The following NDUFS4 variants were observed in gnomAD, a reference collection of about 807,000 sequenced individuals.
NDUFS4 encodes NADH dehydrogenase [ubiquinone] iron-sulfur protein 4, mitochondrial.
NDUFS4 carries 28 observed loss-of-function variants against 24.3 expected under a neutral mutation model. The observed-to-expected ratio is 1.15, with a 90% CI of 0.85 to 1.58. NDUFS4 has a LOEUF of 1.58. NDUFS4 is among the 40% of genes most tolerant of loss of function. The pLI is 0.00. For missense variants in NDUFS4, 223 were observed against 207.9 expected, an observed-to-expected ratio of 1.07 and a Z score of -0.45; for synonymous variants, 93 against 69.7, an observed-to-expected ratio of 1.34 and a Z score of -1.67.
At chr5:53,640,851 A>G (rs756964439) in intron 2 of NDUFS4, among the ~76,000 whole-genome samples, 1 of 152,150 alleles carries the variant, frequency 6.6e-6, no homozygotes, top group Admixed American at 6.6e-5. Context: ...TTCCCATGGA[A>G]TATGACATGC....
At position 53,603,503 on chromosome 5, in the gene NDUFS4, A is replaced by G. The variant is rs142368721; in HGVS notation, c.150A>G (p.Thr50=). ...TGGCACAGGACCAGACTCAAGACAC[A>G]CAACTCATAACAGTTGATGAAAAAT... The part of the protein sequence containing the change: ...WRLAQDQTQD[T]QLITVDEKLD... The change falls in exon 2 of 5, where the codon ACA becomes ACG. Residue 50 remains threonine, a synonymous_variant. Coordinates refer to ENST00000296684, the MANE Select transcript of NDUFS4 (RefSeq NM_002495.4). 1,366 of 1,613,956 alleles carry G rather than the reference A, an allele frequency of 8.5e-4. 2 individuals are homozygous for G. The highest frequency in any genetic ancestry group is 1.1e-3 in the Non-Finnish European group (1,286 of 1,179,942).
At chr5:53,619,466 G>A in intron 2 of NDUFS4, among the ~76,000 whole-genome samples, 1 of 105,712 alleles carries the variant, frequency 9.5e-6, no homozygotes. Flanking sequence ...CAGCCTGGGT[G>A]ACACAGCAAG....
At chr5:53,572,028 A>C (rs575145055) in intron 1 of NDUFS4, among the ~76,000 whole-genome samples, 1 of 152,370 alleles carries the variant, frequency 6.6e-6, no homozygotes, top group East Asian at 1.9e-4. Flanking sequence ...ACATGTATTT[A>C]ATATAAATTT....
intron 4 of NDUFS4, among the ~76,000 whole-genome samples, chr5:53,679,153 C>A (rs1740570686): frequency 6.6e-6 from 1 of 152,120 alleles, no homozygotes; most frequent in Non-Finnish European, 1.5e-5. Context: ...TGTCATTGGA[C>A]TTCCTCATAT....
chr5:53,583,737 G>T (rs1040119384), intron 1 of NDUFS4, among the ~76,000 whole-genome samples: 1 of 152,136 alleles, frequency 6.6e-6, no homozygotes, highest in Non-Finnish European at 1.5e-5. Flanking sequence ...CAATTACTGG[G>T]AGTTGATGGG....
intron 2 of NDUFS4, among the ~76,000 whole-genome samples, chr5:53,639,882 C>T (rs1751662308): frequency 6.6e-6 from 1 of 152,078 alleles, no homozygotes. Flanking sequence ...AGGAAATTTA[C>T]ATCTCAAAGG....
chr5:53,621,690 A>ATTTTTTTTTTTTTTTT (rs58169759), intron 2 of NDUFS4, among the ~76,000 whole-genome samples: 1 of 81,546 alleles, frequency 1.2e-5, no homozygotes, highest in African/African-American at 5.5e-5. Flanking sequence ...CTCATAGTAA[A>ATTTTTTTTTTTTTTTT]TTTTTTTTTT....
intron 1 of NDUFS4, among the ~76,000 whole-genome samples, chr5:53,594,905 C>T (rs913052477): frequency 1.9e-4 from 27 of 142,388 alleles, no homozygotes; most frequent in Non-Finnish European, 3.2e-4. Context: ...TGTGTATATG[C>T]GTTGATTTTT....
intron 2 of NDUFS4, among the ~76,000 whole-genome samples, chr5:53,633,594 G>T (rs1411828390): frequency 6.6e-6 from 1 of 152,036 alleles, no homozygotes; most frequent in Non-Finnish European, 1.5e-5. Context: ...TCTTTTTTGG[G>T]TCTTCATTTC....
intron 2 of NDUFS4, among the ~76,000 whole-genome samples, chr5:53,613,569 G>C (rs1750760048): frequency 7.0e-6 from 1 of 143,030 alleles, no homozygotes; most frequent in Non-Finnish European, 1.5e-5. Flanking sequence ...ATAAATGTTT[G>C]TTGCAATAAA....
chr5:53,625,294 ATTATC>A (rs987651000), intron 2 of NDUFS4, among the ~76,000 whole-genome samples: 15 of 152,152 alleles, frequency 9.9e-5, no homozygotes, highest in African/African-American at 1.7e-4. Flanking sequence ...TTTTATGATA[ATTATC>A]TTATCTTTAA....
At chr5:53,586,898 A>T (rs1019423611) in intron 1 of NDUFS4, among the ~76,000 whole-genome samples, 2 of 151,928 alleles carry the variant, frequency 1.3e-5, no homozygotes. Context: ...ATATCGGCTC[A>T]CTGCAACTTC....
intron 2 of NDUFS4, among the ~76,000 whole-genome samples, chr5:53,624,239 C>G (rs1273334899): frequency 1.3e-5 from 2 of 152,136 alleles, no homozygotes; most frequent in Non-Finnish European, 2.9e-5. Flanking sequence ...TCATACCAAA[C>G]TAATTATTGT....
intron 1 of NDUFS4, among the ~76,000 whole-genome samples, chr5:53,577,210 C>A (rs1421662580): frequency 6.6e-6 from 1 of 152,132 alleles, no homozygotes; most frequent in African/African-American, 2.4e-5. Context: ...CCCAGTATTA[C>A]CCATTTGAAA....
At chr5:53,562,204 A>G (rs1748871981) in intron 1 of NDUFS4, among the ~76,000 whole-genome samples, 1 of 152,050 alleles carries the variant, frequency 6.6e-6, no homozygotes, top group African/African-American at 2.4e-5. Context: ...GGGTTTCACC[A>G]TGTTGGTCAG....
chr5:53,641,437 T>C (rs1751703951), intron 2 of NDUFS4, among the ~76,000 whole-genome samples: 1 of 152,204 alleles, frequency 6.6e-6, no homozygotes, highest in Non-Finnish European at 1.5e-5. Flanking sequence ...TCATTCAAAC[T>C]ACACTTTTGG....
intron 1 of NDUFS4, among the ~76,000 whole-genome samples, chr5:53,594,972 CATT>C (rs1240235065): frequency 3.9e-5 from 6 of 151,954 alleles, no homozygotes; most frequent in Non-Finnish European, 7.4e-5. Context: ...GGGATTCAGA[CATT>C]ATGCTTCCAT....
chr5:53,577,683 A>T lies in NDUFS4; in HGVS notation c.98+16923A>T, dbSNP rs189523765. ...ATTCACCCGTATTGGAATTTGTTTTACTCACCTGTTCTGAAGGGTATGCCA... is the reference window on the plus strand; with the variant it reads ...ATTCACCCGTATTGGAATTTGTTTTTCTCACCTGTTCTGAAGGGTATGCCA... On this transcript the variant is annotated intron_variant, in intron 1 of 4. Coordinates refer to ENST00000296684, the MANE Select transcript of NDUFS4 (RefSeq NM_002495.4). Among the ~76,000 whole-genome samples, 36 of 152,152 alleles carry T rather than the reference A, an allele frequency of 2.4e-4. No individual in the cohort carries two copies. The East Asian group carries it at 5.2e-3, about 22-fold the overall frequency.
At chr5:53,602,686 A>C (rs1318013518) in intron 1 of NDUFS4, among the ~76,000 whole-genome samples, 1 of 152,192 alleles carries the variant, frequency 6.6e-6, no homozygotes, top group Non-Finnish European at 1.5e-5. Context: ...AGTTGTGTAT[A>C]CTTACTTTTG....
Sources: allele counts gnomAD v4.1 joint callset (sites outside exome capture counted in the v4.1 genomes callset), GRCh38; gene constraint gnomAD v4.1.1; transcripts MANE v1.5; gene names NCBI Gene and HGNC (gene_info 2026-07-23, HGNC 2026-07-21).